TNIP3: variants seen among roughly 807,000 people sequenced by gnomAD.
The protein encoded by TNIP3 is TNFAIP3-interacting protein 3.
Under a neutral mutation model 54.1 loss-of-function variants are expected in TNIP3, and 34 were observed. The observed-to-expected ratio is 0.63, with a 90% CI of 0.48 to 0.84. The LOEUF (loss-of-function observed/expected upper bound fraction) is 0.84, where lower values mean the gene tolerates loss of function less well. Among genes scored for constraint, TNIP3 ranks in the 40% least tolerant of loss-of-function variants. The pLI, the probability that TNIP3 is intolerant of heterozygous loss-of-function variation, is 0.00. For missense variants in TNIP3, 366 were observed against 387.6 expected (o/e 0.94, Z 0.47); for synonymous variants, 134 against 136.8 (o/e 0.98, Z 0.14).
At chr4:121,219,711 A>C (rs1003578520), upstream of TNIP3, among the ~76,000 whole-genome samples, 1 of 152,184 alleles carries the variant, frequency 6.6e-6, no homozygotes, top group Non-Finnish European at 1.5e-5. Context: ...AAAATTACCA[A>C]CGAATTCTTA....
upstream of TNIP3, among the ~76,000 whole-genome samples, chr4:121,221,307 G>A (rs1184632319): frequency 6.6e-6 from 1 of 151,980 alleles, no homozygotes; most frequent in Non-Finnish European, 1.5e-5. Context: ...TATCCTTAAA[G>A]TTCCCTATCA....
chr4:121,217,991 A>C (rs1399481075), upstream of TNIP3, among the ~76,000 whole-genome samples: 2 of 152,222 alleles, frequency 1.3e-5, no homozygotes, highest in Non-Finnish European at 2.9e-5. Flanking sequence ...TGGCTAATTA[A>C]TGACTGATCT....
chr4:121,169,780 G>A (rs1295765802), intron 3 of TNIP3, among the ~76,000 whole-genome samples: 2 of 152,204 alleles, frequency 1.3e-5, no homozygotes, highest in African/African-American at 4.8e-5. Context: ...GAGAATCGGG[G>A]AATGGGGTGT....
At position 121,157,152 on chromosome 4, in the gene TNIP3, C is replaced by G. The variant is rs750124816; in HGVS notation, c.305G>C (p.Arg102Thr). The G allele has an allele frequency of 3.3e-6, 5 of 1,517,306 alleles. No individual in the cohort carries two copies. In the South Asian group the frequency reaches 4.5e-5, roughly 14 times the overall value. The allele number at this position is 1,517,306 out of a possible 1,614,324, so 94.0% of individuals were successfully genotyped here. A position where few individuals can be genotyped will look rare whatever the true frequency, so the allele number is the denominator to read the frequency against. The change falls in exon 4 of 11, where the codon AGG (arginine) becomes ACG (threonine). Residue 102 changes from arginine to threonine, a missense_variant. Coordinates refer to ENST00000057513, the MANE Select transcript of TNIP3 (RefSeq NM_024873.6). Reference sequence around the variant, plus strand: ...GCGCTGCCTGTCGTCCTCTCTCTGCCTGTCGTCCTTTCTCTGCCTCTGATG... The same window carrying G: ...GCGCTGCCTGTCGTCCTCTCTCTGCGTGTCGTCCTTTCTCTGCCTCTGATG... ...DPHQRQRKDDRQREDDRQRDL... is the reference protein window; with the variant it reads ...DPHQRQRKDDTQREDDRQRDL...
chr4:121,135,528 G>T (rs1349425368), intron 10 of TNIP3, among the ~76,000 whole-genome samples: 1 of 152,092 alleles, frequency 6.6e-6, no homozygotes, highest in East Asian at 1.9e-4. Context: ...CTCCCAAGTA[G>T]CTGGGACTAC....
rs181842077 is a variant in TNIP3, at chr4:121,136,004, C to A, written c.946+2620G>T. ...GAGGAATTTTTTGGTGGTGCCCTAA[C>A]CATGATCAGCCCTCTTCTCTGCTGC... On this transcript the variant is annotated intron_variant, in intron 10 of 10. Transcript: ENST00000057513. 1.7e-3 allele frequency among the ~76,000 whole-genome samples: 257 copies of A among 152,316 alleles called. 3 individuals carry two copies. Among genetic ancestry groups the A allele is most frequent in the East Asian group, 0.01 (52 of 5,188 alleles).
chr4:121,163,004 G>A (rs1271104905), intron 1 of TNIP3, among the ~76,000 whole-genome samples: 2 of 151,754 alleles, frequency 1.3e-5, no homozygotes, highest in Non-Finnish European at 2.9e-5. Context: ...TTCTCTGGAA[G>A]AAAATTATAA....
chr4:121,154,584 T>G lies in TNIP3; in HGVS notation c.459A>C (p.Glu153Asp), dbSNP rs17051298. The change falls in exon 5 of 11, where the codon GAA becomes GAC. Residue 153 changes from glutamate (E) to aspartate (D), a missense_variant. Physicochemically the swap from Glu to Asp is conservative, Grantham distance 45. Coordinates refer to ENST00000057513, the MANE Select transcript of TNIP3 (RefSeq NM_024873.6). ...GGCGTTTTATTTCACATTCGTAATG[T>G]TCCTTTTCCTTGTTCGCAAGAGTAT... is the stretch of plus-strand genomic sequence containing the variant. Reference protein sequence around the residue: ...GKNTLANKEKEHYECEIKRLN... With the variant: ...GKNTLANKEKDHYECEIKRLN... 1.1e-5 allele frequency: 17 copies of G among 1,613,764 alleles called. No homozygotes were observed. Among genetic ancestry groups the G allele is most frequent in the Non-Finnish European group, 1.4e-5 (16 of 1,179,962 alleles).
chr4:121,183,862 T>C (rs1724855692), intron 2 of TNIP3, among the ~76,000 whole-genome samples: 1 of 151,984 alleles, frequency 6.6e-6, no homozygotes, highest in Non-Finnish European at 1.5e-5. Context: ...AGCTCAGGGC[T>C]CCCATTGATT....
intron 7 of TNIP3, among the ~76,000 whole-genome samples, chr4:121,146,756 A>G (rs1729454268): frequency 6.6e-6 from 1 of 152,130 alleles, no homozygotes; most frequent in Non-Finnish European, 1.5e-5. Flanking sequence ...AGGTAGTTCA[A>G]CTCTCATTCT....
intron 3 of TNIP3, among the ~76,000 whole-genome samples, chr4:121,174,072 A>G (rs1203579659): frequency 2.0e-5 from 3 of 152,304 alleles, no homozygotes; most frequent in Admixed American, 6.5e-5. Flanking sequence ...TCAACATTAG[A>G]GGGGACCACT....
At chr4:121,197,172 C>T (rs913644271) in intron 2 of TNIP3, among the ~76,000 whole-genome samples, 2 of 151,830 alleles carry the variant, frequency 1.3e-5, no homozygotes, top group African/African-American at 2.4e-5. Context: ...AGTTAAGAAA[C>T]TTGTTGTTTA....
intron 10 of TNIP3, chr4:121,136,774 G>A (rs999356795): frequency 1.3e-5 from 2 of 149,058 alleles, no homozygotes; most frequent in African/African-American, 5.0e-5. Context: ...ATGATTTCTT[G>A]AGCCCAGGAG....
intron 1 of TNIP3, among the ~76,000 whole-genome samples, chr4:121,226,829 A>G (rs1049329983): frequency 6.6e-6 from 1 of 152,196 alleles, no homozygotes; most frequent in Non-Finnish European, 1.5e-5. Context: ...ATTCAGAAAT[A>G]CATTCTTTTA....
intron 1 of TNIP3, among the ~76,000 whole-genome samples, chr4:121,222,157 T>G (rs1457143359): frequency 3.9e-5 from 6 of 152,212 alleles, no homozygotes; most frequent in African/African-American, 1.2e-4. Flanking sequence ...TTGCTCTTGA[T>G]GCATCTTAGA....
intron 2 of TNIP3, among the ~76,000 whole-genome samples, chr4:121,193,074 C>A (rs1725384634): frequency 6.6e-6 from 1 of 152,112 alleles, no homozygotes; most frequent in Non-Finnish European, 1.5e-5. Context: ...AACAACAGAT[C>A]ATGATTTGAT....
chr4:121,203,791 A>C (rs1291008893), intron 2 of TNIP3, among the ~76,000 whole-genome samples: 2 of 151,818 alleles, frequency 1.3e-5, no homozygotes, highest in Admixed American at 1.3e-4. Flanking sequence ...AGTTAACAAT[A>C]TTCTTATGCT....
At chr4:121,172,014 T>C (rs898281639) in intron 3 of TNIP3, among the ~76,000 whole-genome samples, 3 of 152,212 alleles carry the variant, frequency 2.0e-5, no homozygotes, top group Non-Finnish European at 4.4e-5. Context: ...ATTACAGGCA[T>C]GAGCCACCAC....
intron 1 of TNIP3, chr4:121,216,516 A>G (rs1160618708): frequency 1.3e-6 from 2 of 1,535,488 alleles, no homozygotes; most frequent in Non-Finnish European, 8.7e-7. Flanking sequence ...ATAAAAAAAT[A>G]TGAAGGACAT....
Sources: gnomAD v4.1 joint callset for allele counts (sites outside exome capture counted in the v4.1 genomes callset) on GRCh38, gnomAD v4.1.1 for gene constraint, MANE v1.5 for transcripts, NCBI Gene and HGNC (gene_info 2026-07-23, HGNC 2026-07-21) for gene names.